The following RBKS variants were observed in gnomAD, a reference collection of about 807,000 sequenced individuals.
RBKS encodes ribokinase.
RBKS carries 33 observed loss-of-function variants against 33.9 expected under a neutral mutation model. That is an observed-to-expected ratio of 0.97 (90% CI 0.74 to 1.30). The LOEUF (loss-of-function observed/expected upper bound fraction) is 1.30, where lower values mean the gene tolerates loss of function less well. RBKS is among the 50% of genes most tolerant of loss of function. RBKS has a pLI of 0.00. For synonymous variants in RBKS, 125 were observed against 143.0 expected (o/e 0.87, Z 0.90); for missense variants, 361 against 392.6 (o/e 0.92, Z 0.68).
At chr2:27,787,005 T>A (rs1324182999) in intron 7 of RBKS, among the ~76,000 whole-genome samples, 1 of 152,158 alleles carries the variant, frequency 6.6e-6, no homozygotes, top group Admixed American at 6.5e-5. Context: ...TTTCTTTCTT[T>A]TGAGATACGG....
chr2:27,832,501 CT>C (rs1372812832), intron 6 of RBKS, among the ~76,000 whole-genome samples, 184 bp downstream of exon 6: 2 of 152,170 alleles, frequency 1.3e-5, no homozygotes, highest in East Asian at 3.9e-4. Flanking sequence ...TCAGAGAATC[CT>C]TTTTTCCCCC....
intron 1 of RBKS, among the ~76,000 whole-genome samples, chr2:27,862,774 G>A (rs1203239845): frequency 2.6e-5 from 4 of 152,092 alleles, no homozygotes; most frequent in Non-Finnish European, 5.9e-5. Flanking sequence ...AGTTTATGGC[G>A]GATTTAATTT....
intron 1 of RBKS, among the ~76,000 whole-genome samples, chr2:27,886,915 T>A (rs1374154781): frequency 6.6e-6 from 1 of 152,016 alleles, no homozygotes; most frequent in Non-Finnish European, 1.5e-5. Context: ...TCAAAGAGTC[T>A]CTGAGAACTA....
intron 7 of RBKS, among the ~76,000 whole-genome samples, chr2:27,809,494 A>C (rs1677952511): frequency 6.6e-6 from 1 of 152,242 alleles, no homozygotes; most frequent in South Asian, 2.1e-4. Flanking sequence ...AATATTAATG[A>C]GAGCTTTGTA....
intron 7 of RBKS, among the ~76,000 whole-genome samples, chr2:27,783,046 C>T (rs549154653): frequency 1.3e-4 from 20 of 152,128 alleles, no homozygotes; most frequent in Non-Finnish European, 2.8e-4. Context: ...TTTTGTTGTT[C>T]GAATTGTTCC....
At chr2:27,859,026 A>T (rs963382198) in intron 1 of RBKS, among the ~76,000 whole-genome samples, 24 of 152,222 alleles carry the variant, frequency 1.6e-4, no homozygotes, top group African/African-American at 5.5e-4. Context: ...TCTGATAATC[A>T]AGTACAGGAC....
In RBKS at chr2:27,837,902, C is replaced by T. The variant is rs1371850736; in HGVS notation, c.515-5125G>A. 6.6e-6 allele frequency among the ~76,000 whole-genome samples: 1 copy of T among 152,094 alleles called. No individual in the cohort carries two copies. Among genetic ancestry groups the T allele is most frequent in the Non-Finnish European group, 1.5e-5 (1 of 68,014 alleles). On this transcript the variant is annotated intron_variant, in intron 5 of 7. Transcript: ENST00000302188. The surrounding 1 kb of genome is among the most constrained non-coding windows in gnomAD (Gnocchi z 4.0). ...ACCTGGGCGCAATACTCCCATGTAA[C>T]AAATCTGCATATGAAGGCCTGGTGC...
intron 7 of RBKS, 70 bp from the exon 8 acceptor site, chr2:27,781,858 G>GAT: frequency 7.5e-7 from 1 of 1,325,772 alleles, no homozygotes. Flanking sequence ...ATATTTTAAA[G>GAT]ATATTTAAGT....
At chr2:27,886,749 AAAAG>A (rs1225636094) in intron 1 of RBKS, among the ~76,000 whole-genome samples, 25 of 151,984 alleles carry the variant, frequency 1.6e-4, no homozygotes, top group African/African-American at 5.1e-4. Flanking sequence ...AAAAAAATAA[AAAAG>A]AAAGGTTAAG....
At position 27,832,699 on chromosome 2, in the gene RBKS, C is replaced by T. The variant is rs1163980753; in HGVS notation, c.593G>A (p.Cys198Tyr). Residue 198 changes from cysteine (C) to tyrosine (Y), a missense_variant, in exon 6 of 8, where the codon TGC becomes TAC. Physicochemically the swap from Cys to Tyr is radical, Grantham distance 194. Coordinates refer to ENST00000302188, the MANE Select transcript of RBKS (RefSeq NM_022128.3). ...QFYTLSDVFC[C>Y]NESEAEILTG... is the part of the protein sequence containing the mutation. The stretch of plus-strand genomic sequence containing the variant: ...ATTCACCCTTACCTCACTTTCATTG[C>T]AGCAGAACACATCTGAGAGGGTGTA... 6.2e-7 allele frequency: 1 copy of T among 1,611,404 alleles called. No homozygotes were observed. Among genetic ancestry groups the T allele is most frequent in the Non-Finnish European group, 8.5e-7 (1 of 1,177,764 alleles).
chr2:27,851,023 T>G (rs1663735609), intron 2 of RBKS, among the ~76,000 whole-genome samples: 1 of 152,182 alleles, frequency 6.6e-6, no homozygotes, highest in African/African-American at 2.4e-5. Flanking sequence ...TTGGCTCCTG[T>G]AGGCCTTTAG....
intron 2 of RBKS, among the ~76,000 whole-genome samples, chr2:27,850,475 A>G (rs1663722383): frequency 6.6e-6 from 1 of 152,226 alleles, no homozygotes; most frequent in Admixed American, 6.5e-5. Flanking sequence ...TATGCTTTGT[A>G]TATTCATCCT....
intron 1 of RBKS, among the ~76,000 whole-genome samples, chr2:27,884,429 C>T (rs558547743): frequency 3.9e-5 from 6 of 152,072 alleles, no homozygotes; most frequent in South Asian, 2.1e-4. Context: ...GTATTTTTTG[C>T]GGAGACCGGG....
intron 7 of RBKS, among the ~76,000 whole-genome samples, chr2:27,791,641 C>CTAAATAT (rs1325226652): frequency 7.2e-5 from 10 of 139,316 alleles, no homozygotes; most frequent in South Asian, 2.3e-4. Context: ...CACACACACA[C>CTAAATAT]ACTAAATATA....
At chr2:27,864,303 G>A (rs548546172) in intron 1 of RBKS, among the ~76,000 whole-genome samples, 11 of 152,224 alleles carry the variant, frequency 7.2e-5, no homozygotes, top group African/African-American at 2.4e-4. Flanking sequence ...TATTACAGGC[G>A]TGAAACTCAT....
Position 27,789,123 on chromosome 2 carries a change from T to C in RBKS, c.796-7335A>G, listed in dbSNP as rs185825355. ...AGATACTGACATAAGGATAGACACGTAGCTCACTTGATAACTTGATAGAAG... is the reference window on the plus strand; with the variant it reads ...AGATACTGACATAAGGATAGACACGCAGCTCACTTGATAACTTGATAGAAG... On this transcript the variant is annotated intron_variant, in intron 7 of 7. Coordinates refer to ENST00000302188, the MANE Select transcript of RBKS (RefSeq NM_022128.3). Among the ~76,000 whole-genome samples the C allele has an allele frequency of 5.3e-5, 8 of 152,344 alleles. No individual in the cohort carries two copies. The East Asian group carries it at 1.5e-3, about 29-fold the overall frequency.
intron 1 of RBKS, among the ~76,000 whole-genome samples, chr2:27,888,783 T>C (rs1664614256): frequency 2.5e-5 from 2 of 78,518 alleles, no homozygotes; most frequent in Non-Finnish European, 7.6e-5. Flanking sequence ...ATTTAAAAAA[T>C]GTTGTTAAAA....
At chr2:27,865,050 A>G (rs531502011) in intron 1 of RBKS, among the ~76,000 whole-genome samples, 36 of 152,266 alleles carry the variant, frequency 2.4e-4, no homozygotes, top group South Asian at 4.1e-4. Context: ...GCCGGGCGCG[A>G]CGGCTCACGC....
At chr2:27,847,309 C>T (rs1461547982) in intron 3 of RBKS, among the ~76,000 whole-genome samples, 1 of 152,160 alleles carries the variant, frequency 6.6e-6, no homozygotes, top group Non-Finnish European at 1.5e-5. Context: ...TGTAGTTGCA[C>T]CTTTTCTCTG....
Sources: gnomAD v4.1 joint callset for allele counts (sites outside exome capture counted in the v4.1 genomes callset) on GRCh38, gnomAD v4.1.1 for gene constraint, Gnocchi (gnomAD v3.1) non-coding constraint, MANE v1.5 for transcripts, NCBI Gene and HGNC (gene_info 2026-07-23, HGNC 2026-07-21) for gene names.